PRDM16: variants seen among roughly 807,000 people sequenced by gnomAD.
The protein encoded by PRDM16 is histone-lysine N-methyltransferase PRDM16.
A neutral mutation model predicts 110.6 loss-of-function variants in PRDM16; 23 were observed. The observed-to-expected ratio is 0.21, with a 90% CI of 0.15 to 0.29. PRDM16 has a LOEUF of 0.29. PRDM16 is among the 10% of genes least tolerant of loss of function. PRDM16 has a pLI of 1.00. For missense variants in PRDM16, 1,615 were observed against 1,794.3 expected (o/e 0.90, Z 1.81); for synonymous variants, 799 against 781.8 (o/e 1.02, Z -0.37).
Position 3,350,499 on chromosome 1 carries a change from G to A in PRDM16, c.439-34653G>A, listed in dbSNP as rs777357400. 6.6e-6 allele frequency among the ~76,000 whole-genome samples: 1 copy of A among 152,160 alleles called. No individual in the cohort carries two copies. The highest frequency in any genetic ancestry group is 1.9e-4 in the East Asian group (1 of 5,164). Reference sequence around the variant, plus strand: ...TGACACTTGGATCCAGACATAATGTGTGTTAAGATCAAGGGCCCCGGGCTG... The same window carrying A: ...TGACACTTGGATCCAGACATAATGTATGTTAAGATCAAGGGCCCCGGGCTG... On this transcript the variant is annotated intron_variant, in intron 3 of 16. Coordinates refer to ENST00000270722, the MANE Select transcript of PRDM16 (RefSeq NM_022114.4). The surrounding 1 kb of genome is among the most constrained non-coding windows in gnomAD (Gnocchi z 7.1).
chr1:3,144,741 C>T (rs1262538420), intron 1 of PRDM16, among the ~76,000 whole-genome samples: 1 of 152,240 alleles, frequency 6.6e-6, no homozygotes, highest in East Asian at 1.9e-4. Flanking sequence ...TGCACGGGGT[C>T]ACCCCCAGTA....
intron 3 of PRDM16, among the ~76,000 whole-genome samples, chr1:3,248,292 G>T (rs562824629): frequency 6.6e-6 from 1 of 152,146 alleles, no homozygotes; most frequent in African/African-American, 2.4e-5. Flanking sequence ...AACATGGCCC[G>T]GCAGCCTTTC....
intron 2 of PRDM16, among the ~76,000 whole-genome samples, chr1:3,219,833 TC>T (rs1557537775): frequency 1.3e-5 from 2 of 152,114 alleles, no homozygotes. Context: ...TCTCCCCACC[TC>T]TGGCAAGCCG....
intron 3 of PRDM16, among the ~76,000 whole-genome samples, chr1:3,329,596 G>T (rs1642000487): frequency 6.6e-6 from 1 of 152,232 alleles, no homozygotes; most frequent in Admixed American, 6.5e-5. Context: ...AGAGGAAGGG[G>T]CTATGGGCTC....
intron 1 of PRDM16, among the ~76,000 whole-genome samples, chr1:3,169,937 C>T (rs535479084): frequency 1.3e-5 from 2 of 152,362 alleles, no homozygotes; most frequent in African/African-American, 4.8e-5. Context: ...CCGCGCGCTC[C>T]GAGTAATCGG....
Position 3,412,066 on chromosome 1 carries a change from G to C in PRDM16, c.1869G>C (p.Ser623=). 1 of 1,604,934 alleles carries C rather than the reference G, an allele frequency of 6.2e-7. No individual in the cohort carries two copies. Among genetic ancestry groups the C allele is most frequent in the South Asian group, 1.1e-5 (1 of 90,480 alleles). ...TGGACACGACCACGGGGACGGGCTCGGACCTGGACAGCGACGTGGACAGCG... is the reference window on the plus strand; with the variant it reads ...TGGACACGACCACGGGGACGGGCTCCGACCTGGACAGCGACGTGGACAGCG... ...TDLDTTTGTG[S]DLDSDVDSDP... is the part of the protein sequence containing the mutation. Residue 623 remains serine, a synonymous_variant, in exon 9 of 17, where the codon TCG becomes TCC. Coordinates refer to ENST00000270722, the MANE Select transcript of PRDM16 (RefSeq NM_022114.4).
intron 6 of PRDM16, among the ~76,000 whole-genome samples, 159 bp from the exon 7 acceptor site, chr1:3,404,578 CAG>C (rs1643527826): frequency 6.6e-6 from 1 of 152,342 alleles, no homozygotes; most frequent in Non-Finnish European, 1.5e-5. Flanking sequence ...CCGGCCACGG[CAG>C]AGAGGAGGTG....
chr1:3,103,234 CA>C (rs1277716853), intron 1 of PRDM16, among the ~76,000 whole-genome samples: 2 of 152,180 alleles, frequency 1.3e-5, no homozygotes, highest in African/African-American at 4.8e-5. Context: ...TTTTTCAAAA[CA>C]AAGGGTCCCC....
intron 12 of PRDM16, among the ~76,000 whole-genome samples, chr1:3,423,233 G>C (rs1638491316): frequency 6.6e-6 from 1 of 152,124 alleles, no homozygotes; most frequent in Non-Finnish European, 1.5e-5. Flanking sequence ...AGACTTGCTA[G>C]GTTTTACCAG....
At chr1:3,369,394 G>C (rs1252354294) in intron 3 of PRDM16, among the ~76,000 whole-genome samples, 1 of 152,210 alleles carries the variant, frequency 6.6e-6, no homozygotes, top group African/African-American at 2.4e-5. Context: ...GCCCATCACC[G>C]AGCATCTGGG....
intron 1 of PRDM16, among the ~76,000 whole-genome samples, chr1:3,161,262 C>T (rs558415682): frequency 6.6e-6 from 1 of 152,332 alleles, no homozygotes; most frequent in African/African-American, 2.4e-5. Context: ...CAAACACACA[C>T]ACACAACACG....
intron 1 of PRDM16, among the ~76,000 whole-genome samples, chr1:3,114,402 A>ACG (rs201448055): frequency 1.9e-5 from 2 of 104,198 alleles, no homozygotes; most frequent in African/African-American, 8.5e-5. Flanking sequence ...ACGCACGCGC[A>ACG]CACACACGCA....
chr1:3,430,770 C>T (rs753353074), intron 14 of PRDM16, 102 bp from the exon 15 acceptor site: 30 of 1,371,460 alleles, frequency 2.2e-5, no homozygotes, highest in South Asian at 9.0e-5. Context: ...TGAGTGTTGT[C>T]GGGGGAGGCA....
chr1:3,105,764 C>T (rs776216658), intron 1 of PRDM16, among the ~76,000 whole-genome samples: 19 of 152,366 alleles, frequency 1.2e-4, no homozygotes, highest in Middle Eastern at 6.8e-3. Flanking sequence ...CCTCGCCTCC[C>T]GCCCTGAGAA....
intron 2 of PRDM16, among the ~76,000 whole-genome samples, chr1:3,194,715 C>T (rs112662918): frequency 0.012 from 1,149 of 96,974 alleles, 11 homozygotes; most frequent in African/African-American, 0.069. Flanking sequence ...CCACACGCCA[C>T]CGTCTCCCCG....
rs531642090 is a variant in PRDM16, at chr1:3,364,792, C to T, written c.439-20360C>T. 9.2e-5 allele frequency among the ~76,000 whole-genome samples: 14 copies of T among 152,358 alleles called. No homozygotes were observed. The South Asian group carries it at 2.1e-3, about 23-fold the overall frequency. ...GGCCCAGAGGCCCAACATGGGCCCG[C>T]GCAGCCTCAGCCAGGTGCCCCGAGC... On this transcript the variant is annotated intron_variant, in intron 3 of 16. Coordinates refer to ENST00000270722, the MANE Select transcript of PRDM16 (RefSeq NM_022114.4).
At chr1:3,077,169 C>T (rs2993487) in intron 1 of PRDM16, among the ~76,000 whole-genome samples, 5,184 of 152,310 alleles carry the variant, frequency 0.034, 142 homozygotes, top group Admixed American at 0.085. Flanking sequence ...ATGTTTGGGG[C>T]GAATATGAAG....
chr1:3,258,134 C>T (rs955993169), intron 3 of PRDM16, among the ~76,000 whole-genome samples: 1 of 152,178 alleles, frequency 6.6e-6, no homozygotes, highest in African/African-American at 2.4e-5. Flanking sequence ...TCATCACAGA[C>T]CTTGGAGGGG....
rs996655351 is a variant in PRDM16 at position 3,425,343 on chromosome 1, G to C, written c.2940-238G>C. 1 of 428,248 alleles carries C rather than the reference G, an allele frequency of 2.3e-6. No individual in the cohort carries two copies. The highest frequency in any genetic ancestry group is 3.9e-5 in the East Asian group (1 of 25,330). The allele number at this position is 428,248 out of a possible 1,614,324, so 26.5% of individuals were successfully genotyped here. ...TCCACCCGCCTTGGCCTCCCAAAGT[G>C]CTGTGATTATAGGCGTGAACCCCTG... On this transcript the variant is annotated intron_variant, in intron 12 of 16. Coordinates refer to ENST00000270722, the MANE Select transcript of PRDM16 (RefSeq NM_022114.4). The surrounding 1 kb of genome is among the most constrained non-coding windows in gnomAD (Gnocchi z 6.9).
Sources: gnomAD v4.1 joint callset for allele counts (sites outside exome capture counted in the v4.1 genomes callset) on GRCh38, gnomAD v4.1.1 for gene constraint, Gnocchi (gnomAD v3.1) non-coding constraint, MANE v1.5 for transcripts, NCBI Gene and HGNC (gene_info 2026-07-23, HGNC 2026-07-21) for gene names.